HDAC9: variants seen among roughly 807,000 people sequenced by gnomAD.
HDAC9 encodes histone deacetylase 9.
A neutral mutation model predicts 139.4 loss-of-function variants in HDAC9; 41 were observed. The ratio of observed to expected loss-of-function variants is 0.29; its 90% CI spans 0.23 to 0.38. The LOEUF (loss-of-function observed/expected upper bound fraction) is 0.38, where lower values mean the gene tolerates loss of function less well. HDAC9 is among the 10% of genes least tolerant of loss of function. The probability of loss-of-function intolerance (pLI) is 1.00; values close to 1 mark genes in which losing one functional copy is unlikely to be tolerated. For missense variants in HDAC9, 1,147 were observed against 1,297.0 expected (o/e 0.88, Z 1.78); for synonymous variants, 517 against 476.2 (o/e 1.09, Z -1.12).
At chr7:18,215,015 T>G (rs757489041) in intron 2 of HDAC9, among the ~76,000 whole-genome samples, 1 of 152,166 alleles carries the variant, frequency 6.6e-6, no homozygotes, top group African/African-American at 2.4e-5. Flanking sequence ...AGTACTATGG[T>G]ATGATAATGG....
chr7:18,954,054 G>A, intron 23 of HDAC9, 92 bp from the exon 24 acceptor site: 1 of 804,924 alleles, frequency 1.2e-6, no homozygotes, highest in South Asian at 1.7e-5. Context: ...AGCTTTTCCT[G>A]AGGATTAGGT....
At chr7:18,880,162 T>G (rs1799624468) in intron 22 of HDAC9, among the ~76,000 whole-genome samples, 1 of 152,032 alleles carries the variant, frequency 6.6e-6, no homozygotes. Context: ...AAATAACAGG[T>G]GCTGGCAAGG....
At chr7:18,701,704 T>C (rs928820096) in intron 12 of HDAC9, among the ~76,000 whole-genome samples, 1 of 152,242 alleles carries the variant, frequency 6.6e-6, no homozygotes, top group African/African-American at 2.4e-5. Flanking sequence ...TCTGTCAATG[T>C]CATGCCTAAT....
chr7:18,105,740 A>G (rs543849627), intron 1 of HDAC9, among the ~76,000 whole-genome samples: 29 of 152,148 alleles, frequency 1.9e-4, no homozygotes, highest in Non-Finnish European at 1.8e-4. Flanking sequence ...TATACACCCA[A>G]AAGAATTGAA....
At chr7:18,995,479 C>T (rs558991883) in intron 25 of HDAC9, among the ~76,000 whole-genome samples, 2 of 152,240 alleles carry the variant, frequency 1.3e-5, no homozygotes, top group Non-Finnish European at 2.9e-5. Flanking sequence ...TATTTACACA[C>T]TACCATAGTG....
chr7:18,152,387 G>T (rs931356049), intron 1 of HDAC9, among the ~76,000 whole-genome samples: 2 of 152,100 alleles, frequency 1.3e-5, no homozygotes, highest in African/African-American at 4.8e-5. Flanking sequence ...CAAAGTCAGG[G>T]TTCTTTTCCT....
chr7:18,656,760 T>C (rs1023008105), intron 11 of HDAC9, among the ~76,000 whole-genome samples: 1 of 152,142 alleles, frequency 6.6e-6, no homozygotes, highest in Non-Finnish European at 1.5e-5. Flanking sequence ...AGTGCAGATA[T>C]CTCTTTGATA....
At chr7:18,563,581 C>A (rs1821285561) in intron 2 of HDAC9, among the ~76,000 whole-genome samples, 1 of 152,062 alleles carries the variant, frequency 6.6e-6, no homozygotes, top group Non-Finnish European at 1.5e-5. Context: ...AGGTGTTTAG[C>A]ACAATATTCG....
At chr7:18,706,588 A>G (rs1293838128) in intron 12 of HDAC9, among the ~76,000 whole-genome samples, 1 of 152,218 alleles carries the variant, frequency 6.6e-6, no homozygotes, top group Non-Finnish European at 1.5e-5. Flanking sequence ...GGCAAAGCTC[A>G]CAGTTGAGCG....
chr7:18,286,239 C>T (rs1220201658), upstream of HDAC9, among the ~76,000 whole-genome samples: 1 of 151,432 alleles, frequency 6.6e-6, no homozygotes, highest in Admixed American at 6.6e-5. Flanking sequence ...ACCATGCTTC[C>T]TAAGAAAAAA....
chr7:18,958,827 G>A (rs1489197617), intron 24 of HDAC9, among the ~76,000 whole-genome samples: 1 of 152,148 alleles, frequency 6.6e-6, no homozygotes, highest in African/African-American at 2.4e-5. Context: ...ATACATGAGA[G>A]TCCATTTCCT....
At chr7:18,797,220 T>C (rs1373707089) in intron 17 of HDAC9, among the ~76,000 whole-genome samples, 4 of 152,206 alleles carry the variant, frequency 2.6e-5, no homozygotes, top group African/African-American at 9.6e-5. Flanking sequence ...GTAAATCTGA[T>C]AATCCTCTGT....
intron 2 of HDAC9, among the ~76,000 whole-genome samples, chr7:18,266,996 T>G (rs1448483120): frequency 2.6e-5 from 4 of 152,072 alleles, no homozygotes; most frequent in Non-Finnish European, 5.9e-5. Flanking sequence ...ATATTTAGGT[T>G]TTAACCTGAC....
intron 6 of HDAC9, among the ~76,000 whole-genome samples, chr7:18,600,278 CACAGA>C (rs1562523534): frequency 1.3e-5 from 2 of 152,022 alleles, no homozygotes; most frequent in African/African-American, 4.8e-5. Flanking sequence ...CATTGTCTTT[CACAGA>C]ACAGAAGATT....
chr7:18,613,479 C>A (rs1232154517), intron 6 of HDAC9, among the ~76,000 whole-genome samples: 1 of 151,952 alleles, frequency 6.6e-6, no homozygotes, highest in South Asian at 2.1e-4. Context: ...TCTCAACTAC[C>A]CCTAATGTAA....
intron 2 of HDAC9, among the ~76,000 whole-genome samples, chr7:18,272,098 A>G (rs1446258623): frequency 6.6e-6 from 1 of 152,242 alleles, no homozygotes; most frequent in Non-Finnish European, 1.5e-5. Flanking sequence ...TGTGAATTTT[A>G]GTAATATCAT....
chr7:18,740,059 C>T (rs1292598263), intron 13 of HDAC9, among the ~76,000 whole-genome samples: 3 of 152,314 alleles, frequency 2.0e-5, no homozygotes, highest in East Asian at 1.9e-4. Context: ...GCTCTATGAG[C>T]GTGGGACCTG....
At position 18,320,008 on chromosome 7, in the gene HDAC9, G is replaced by T. The variant is rs76327790; in HGVS notation, c.-42+29493G>T. On this transcript the variant is annotated intron_variant, in intron 1 of 3. Coordinates refer to the HDAC9 transcript ENST00000413509. ...TGTTAACCTTAACAATTCACAAGGG[G>T]TGGTGGGAACTAAAGATTTTTTTTC... is the stretch of plus-strand genomic sequence containing the variant. Among the ~76,000 whole-genome samples, 457 of 152,306 alleles carry T rather than the reference G, an allele frequency of 3.0e-3. 2 individuals are homozygous for T. The highest frequency in any genetic ancestry group is 0.01 in the African/African-American group (432 of 41,574).
At chr7:18,491,418 G>A (rs1796355804), upstream of HDAC9, among the ~76,000 whole-genome samples, 1 of 151,910 alleles carries the variant, frequency 6.6e-6, no homozygotes, top group African/African-American at 2.4e-5. Flanking sequence ...AAATGGAAAT[G>A]TATAAATGCA....
Sources: gnomAD v4.1 joint callset for allele counts (sites outside exome capture counted in the v4.1 genomes callset) on GRCh38, gnomAD v4.1.1 for gene constraint, MANE v1.5 for transcripts, NCBI Gene and HGNC (gene_info 2026-07-23, HGNC 2026-07-21) for gene names.